The following ABCA13 variants were observed in gnomAD, a reference collection of about 807,000 sequenced individuals.
The protein encoded by ABCA13 is ATP binding cassette subfamily A member 13.
In ABCA13, 476 loss-of-function variants were observed where a neutral mutation model predicts 478.7. The observed-to-expected ratio is 0.99, with a 90% CI of 0.92 to 1.07. The LOEUF is 1.07. Ranked by LOEUF, ABCA13 falls within the 50% of genes least tolerant of loss-of-function variation. The pLI is 0.00. For missense variants in ABCA13, 6,060 were observed against 5,910.6 expected (o/e 1.03, Z -0.83); for synonymous variants, 2,252 against 2,158.9 (o/e 1.04, Z -1.20).
chr7:48,311,638 T>G (rs1041124209), intron 24 of ABCA13, among the ~76,000 whole-genome samples: 9 of 152,226 alleles, frequency 5.9e-5, no homozygotes, highest in African/African-American at 2.2e-4. Context: ...GATAGTGGGT[T>G]GGATTCAGTC....
intron 10 of ABCA13, among the ~76,000 whole-genome samples, chr7:48,243,933 G>T (rs539140436): frequency 6.6e-6 from 1 of 152,318 alleles, no homozygotes; most frequent in African/African-American, 2.4e-5. Flanking sequence ...CAGTTCTGCT[G>T]CCCACAGTGT....
intron 31 of ABCA13, among the ~76,000 whole-genome samples, chr7:48,356,992 T>C (rs73323777): frequency 0.029 from 4,388 of 152,024 alleles, 272 homozygotes; most frequent in African/African-American, 0.1. Flanking sequence ...TATTGCTTTT[T>C]GGCTGCTTCA....
chr7:48,402,991 G>T (rs1817805480), intron 38 of ABCA13, among the ~76,000 whole-genome samples: 1 of 152,216 alleles, frequency 6.6e-6, no homozygotes, highest in Admixed American at 6.5e-5. Flanking sequence ...AGTTAACAGG[G>T]CCACAGTGGT....
chr7:48,300,217 C>T (rs140701860), intron 23 of ABCA13, among the ~76,000 whole-genome samples: 2 of 152,350 alleles, frequency 1.3e-5, no homozygotes, highest in African/African-American at 2.4e-5. Context: ...ATAATCACAT[C>T]AGATTCTTAG....
At chr7:48,309,344 G>A (rs1801411927) in intron 23 of ABCA13, among the ~76,000 whole-genome samples, 1 of 152,056 alleles carries the variant, frequency 6.6e-6, no homozygotes, top group African/African-American at 2.4e-5. Flanking sequence ...TAACTGAAAA[G>A]CATACCCAAA....
Position 48,637,884 on chromosome 7 carries a change from A to T in ABCA13, c.14838-5404A>T, listed in dbSNP as rs78136267. Among the ~76,000 whole-genome samples the T allele has an allele frequency of 1.1e-3, 174 of 152,304 alleles. 1 individual carries two copies. Among genetic ancestry groups the T allele is most frequent in the East Asian group, 0.011 (56 of 5,184 alleles). On this transcript the variant is annotated intron_variant, in intron 59 of 61. Transcript: ENST00000435803. ...ATTTAATTCACTCATTACTCCATTA[A>T]ATATGAACTGGGCATCTGCAGGGGT...
At chr7:48,436,351 G>A (rs774396700) in intron 42 of ABCA13, among the ~76,000 whole-genome samples, 12 of 151,566 alleles carry the variant, frequency 7.9e-5, no homozygotes, top group South Asian at 2.1e-4. Context: ...TTTTGTTTCC[G>A]TAAAATTGGC....
chr7:48,350,503 A>C, intron 29 of ABCA13, 140 bp from the exon 30 acceptor site: 1 of 1,025,590 alleles, frequency 9.8e-7, no homozygotes, highest in Non-Finnish European at 1.4e-6. Flanking sequence ...ATATGACCAA[A>C]ATTTGACTCT....
chr7:48,425,277 G>A (rs753430293), intron 41 of ABCA13, among the ~76,000 whole-genome samples: 1 of 152,038 alleles, frequency 6.6e-6, no homozygotes, highest in African/African-American at 2.4e-5. Flanking sequence ...TATGAGAGGG[G>A]CTAGAAAAGG....
At chr7:48,351,051 G>C (rs972348150) in intron 30 of ABCA13, among the ~76,000 whole-genome samples, 1 of 152,138 alleles carries the variant, frequency 6.6e-6, no homozygotes, top group Non-Finnish European at 1.5e-5. Flanking sequence ...GACTAATAAC[G>C]TTTTCACCAT....
intron 58 of ABCA13, chr7:48,612,117 C>T (rs1792085374): frequency 6.6e-6 from 1 of 152,148 alleles, no homozygotes; most frequent in South Asian, 2.1e-4. Context: ...ACCGTGCCAC[C>T]ATCACCATCA....
At chr7:48,301,664 C>T (rs150257347) in intron 23 of ABCA13, among the ~76,000 whole-genome samples, 1 of 152,160 alleles carries the variant, frequency 6.6e-6, no homozygotes, top group African/African-American at 2.4e-5. Context: ...AGAGAAAGTC[C>T]TTCCTAGGCC....
intron 2 of ABCA13, among the ~76,000 whole-genome samples, chr7:48,193,452 GATGA>G (rs1412716548): frequency 6.6e-6 from 1 of 151,980 alleles, no homozygotes; most frequent in African/African-American, 2.4e-5. Context: ...CTGATGATAT[GATGA>G]TGATGGTGAA....
chr7:48,196,673 A>G (rs1797978729), intron 2 of ABCA13, among the ~76,000 whole-genome samples: 1 of 151,952 alleles, frequency 6.6e-6, no homozygotes, highest in Non-Finnish European at 1.5e-5. Flanking sequence ...AATCTTGGAG[A>G]CAAAGTGTGC....
At chr7:48,536,611 GCACCCCAGC>G (rs1833602590) in intron 55 of ABCA13, among the ~76,000 whole-genome samples, 2 of 151,374 alleles carry the variant, frequency 1.3e-5, no homozygotes. Flanking sequence ...TCACACCACT[GCACCCCAGC>G]CTGGGTGACA....
chr7:48,270,494 G>A (rs1410089461), intron 16 of ABCA13, among the ~76,000 whole-genome samples: 1 of 152,074 alleles, frequency 6.6e-6, no homozygotes, highest in Non-Finnish European at 1.5e-5. Context: ...CTCTATCAAG[G>A]CACAATGACT....
At chr7:48,402,147 G>A (rs905206413) in intron 38 of ABCA13, among the ~76,000 whole-genome samples, 36 of 152,260 alleles carry the variant, frequency 2.4e-4, no homozygotes, top group African/African-American at 7.0e-4. Flanking sequence ...AGGCAGCAGC[G>A]TGGGGCCACC....
At chr7:48,548,830 T>C (rs963068176) in intron 55 of ABCA13, among the ~76,000 whole-genome samples, 4 of 151,556 alleles carry the variant, frequency 2.6e-5, no homozygotes, top group Non-Finnish European at 4.4e-5. Context: ...GCTTCTATGT[T>C]CCCTACATGC....
At position 48,420,213 on chromosome 7, in the gene ABCA13, C is replaced by T. The variant is rs535743387; in HGVS notation, c.12460-7553C>T. 4.6e-5 allele frequency among the ~76,000 whole-genome samples: 7 copies of T among 152,306 alleles called. No homozygotes were observed. In the South Asian group the frequency reaches 1.2e-3, roughly 27 times the overall value. ...CTAAAAAGCATATTTTATTTCTAAA[C>T]TGGAATACACTTACTATAAATTATG... On this transcript the variant is annotated intron_variant, in intron 41 of 61. Transcript: ENST00000435803.
Sources: gnomAD v4.1 joint callset for allele counts (sites outside exome capture counted in the v4.1 genomes callset) on GRCh38, gnomAD v4.1.1 for gene constraint, MANE v1.5 for transcripts, NCBI Gene and HGNC (gene_info 2026-07-23, HGNC 2026-07-21) for gene names.